FAM13C: variants seen among roughly 807,000 people sequenced by gnomAD.
The protein encoded by FAM13C is protein FAM13C.
In FAM13C, 37 loss-of-function variants were observed where a neutral mutation model predicts 73.2. The ratio of observed to expected loss-of-function variants is 0.51; its 90% CI spans 0.39 to 0.67. The LOEUF is 0.67. Ranked by LOEUF, FAM13C falls within the 30% of genes least tolerant of loss-of-function variation. The pLI, the probability that FAM13C is intolerant of heterozygous loss-of-function variation, is 0.00. For missense variants in FAM13C, 589 were observed against 715.6 expected, an observed-to-expected ratio of 0.82 and a Z score of 2.02; for synonymous variants, 246 against 260.9, an observed-to-expected ratio of 0.94 and a Z score of 0.55.
chr10:59,329,612 G>T (rs1379261984), intron 3 of FAM13C, among the ~76,000 whole-genome samples: 1 of 151,850 alleles, frequency 6.6e-6, no homozygotes, highest in Admixed American at 6.6e-5. Context: ...ACCTGCCTTG[G>T]CCCCCAAAAT....
At chr10:59,358,583 C>A (rs577959158) in intron 1 of FAM13C, among the ~76,000 whole-genome samples, 4 of 152,276 alleles carry the variant, frequency 2.6e-5, no homozygotes, top group African/African-American at 9.6e-5. Flanking sequence ...CAATGAAGAA[C>A]AAAAATCTAG....
chr10:59,268,962 T>C (rs562499131), intron 7 of FAM13C, among the ~76,000 whole-genome samples: 2 of 152,310 alleles, frequency 1.3e-5, no homozygotes, highest in Non-Finnish European at 2.9e-5. Flanking sequence ...GAGGCCAATT[T>C]AAGACTCGAA....
chr10:59,344,473 G>A (rs373627075), intron 3 of FAM13C, among the ~76,000 whole-genome samples: 5 of 149,632 alleles, frequency 3.3e-5, no homozygotes, highest in Admixed American at 6.7e-5. Flanking sequence ...TAGTAGAGAC[G>A]GGGTTTCACC....
chr10:59,246,960 A>C lies in FAM13C; in HGVS notation c.*654T>G, dbSNP rs1267571162. 4.4e-6 allele frequency: 1 copy of C among 227,986 alleles called. No homozygotes were observed. Among genetic ancestry groups the C allele is most frequent in the African/African-American group, 2.2e-5 (1 of 44,478 alleles). The allele number at this position is 227,986 out of a possible 1,614,324, so 14.1% of individuals were successfully genotyped here. A position where few individuals can be genotyped will look rare whatever the true frequency, so the allele number is the denominator to read the frequency against. ...ACAAAGATAATAATTCACAAAGTACATGCTATCAGAATGAACTTTGGTAAC... is the reference window on the plus strand; with the variant it reads ...ACAAAGATAATAATTCACAAAGTACCTGCTATCAGAATGAACTTTGGTAAC... On this transcript the variant is annotated 3_prime_UTR_variant, in exon 14 of 14. Coordinates refer to ENST00000618804, the MANE Select transcript of FAM13C (RefSeq NM_198215.4).
Position 59,259,277 on chromosome 10 carries a change from A to G in FAM13C, c.1236+3157T>C, listed in dbSNP as rs1223412493. On this transcript the variant is annotated intron_variant, in intron 10 of 13. Transcript: ENST00000618804. The stretch of plus-strand genomic sequence containing the variant: ...TACCAAATGCGGAAATTACAGAAAG[A>G]GTCATAATAAAGTCTCTCTAGAAAA... Among the ~76,000 whole-genome samples, 6 of 152,352 alleles carry G rather than the reference A, an allele frequency of 3.9e-5. No individual in the cohort carries two copies. The East Asian group carries it at 1.2e-3, about 29-fold the overall frequency.
intron 5 of FAM13C, among the ~76,000 whole-genome samples, chr10:59,284,748 C>T (rs1023160321): frequency 6.6e-6 from 1 of 150,762 alleles, no homozygotes. Flanking sequence ...CTTCCACACA[C>T]ACACACCCTT....
intron 4 of FAM13C, among the ~76,000 whole-genome samples, chr10:59,321,241 T>C (rs1850207596): frequency 6.6e-6 from 1 of 152,034 alleles, no homozygotes; most frequent in African/African-American, 2.4e-5. Flanking sequence ...TCAAAAAATG[T>C]TTCCCAGCCA....
chr10:59,284,856 C>T (rs1337725802), intron 5 of FAM13C, among the ~76,000 whole-genome samples: 1 of 151,684 alleles, frequency 6.6e-6, no homozygotes, highest in Non-Finnish European at 1.5e-5. Flanking sequence ...CACCCACATC[C>T]AATTCCCATG....
At chr10:59,350,958 T>C (rs1206492024) in intron 3 of FAM13C, among the ~76,000 whole-genome samples, 2 of 152,208 alleles carry the variant, frequency 1.3e-5, no homozygotes, top group Non-Finnish European at 2.9e-5. Flanking sequence ...AAAAATATGT[T>C]AGGTGCATTA....
intron 3 of FAM13C, among the ~76,000 whole-genome samples, chr10:59,333,655 G>A (rs1411349570): frequency 2.0e-5 from 3 of 152,134 alleles, no homozygotes. Context: ...ATTAAAGTAT[G>A]TCTGTTATTC....
intron 8 of FAM13C, among the ~76,000 whole-genome samples, chr10:59,264,598 G>A (rs143025255): frequency 6.6e-6 from 1 of 152,144 alleles, no homozygotes; most frequent in Non-Finnish European, 1.5e-5. Flanking sequence ...TACCTTGCTT[G>A]TGGCTCACAC....
intron 5 of FAM13C, among the ~76,000 whole-genome samples, chr10:59,290,222 G>T (rs1461830280): frequency 6.6e-6 from 1 of 152,166 alleles, no homozygotes; most frequent in African/African-American, 2.4e-5. Context: ...ACCCACACAG[G>T]CTGGATGGTT....
chr10:59,327,381 T>C (rs749947133), intron 3 of FAM13C, among the ~76,000 whole-genome samples: 3 of 152,148 alleles, frequency 2.0e-5, no homozygotes, highest in African/African-American at 4.8e-5. Flanking sequence ...CTCAATCAAA[T>C]GTATTTGCCT....
At chr10:59,281,352 G>A (rs1844901510) in intron 6 of FAM13C, among the ~76,000 whole-genome samples, 1 of 152,140 alleles carries the variant, frequency 6.6e-6, no homozygotes, top group Non-Finnish European at 1.5e-5. Context: ...TAAGAACCCA[G>A]TGAGACCAAA....
chr10:59,338,236 C>T (rs1240398331), intron 3 of FAM13C, among the ~76,000 whole-genome samples: 1 of 152,132 alleles, frequency 6.6e-6, no homozygotes, highest in Non-Finnish European at 1.5e-5. Flanking sequence ...AGGCAGTGCT[C>T]TTGCCAGTGC....
intron 13 of FAM13C, among the ~76,000 whole-genome samples, chr10:59,250,121 A>C (rs191889449): frequency 7.4e-4 from 112 of 152,324 alleles, no homozygotes; most frequent in African/African-American, 2.5e-3. Context: ...CATCTCCACA[A>C]ATATTTCCCT....
At chr10:59,285,680 G>T (rs888158905) in intron 5 of FAM13C, among the ~76,000 whole-genome samples, 1 of 152,148 alleles carries the variant, frequency 6.6e-6, no homozygotes, top group Non-Finnish European at 1.5e-5. Context: ...ATAACCAAGA[G>T]TTATGTTTTG....
intron 4 of FAM13C, among the ~76,000 whole-genome samples, chr10:59,308,592 AACCAGCATCACCATCACCACC>A (rs1848554906): frequency 6.6e-6 from 1 of 150,600 alleles, no homozygotes; most frequent in Non-Finnish European, 1.5e-5. Context: ...CAGCACCACC[AACCAGCATCACCATCACCACC>A]ACCAGCACCA....
intron 5 of FAM13C, among the ~76,000 whole-genome samples, chr10:59,290,988 A>G (rs998655763): frequency 3.3e-5 from 5 of 152,174 alleles, no homozygotes; most frequent in Non-Finnish European, 7.3e-5. Flanking sequence ...GGACGTGCCC[A>G]TTCCAGAGAT....
Sources: allele counts gnomAD v4.1 joint callset (sites outside exome capture counted in the v4.1 genomes callset), GRCh38; gene constraint gnomAD v4.1.1; transcripts MANE v1.5; gene names NCBI Gene and HGNC (gene_info 2026-07-23, HGNC 2026-07-21).